Variants in SLC60A1 observed in about 807,000 individuals in gnomAD.
SLC60A1 encodes major facilitator superfamily domain containing 4.
the SLC60A1 span, chr1:205,584,088 C>T: frequency 6.2e-7 from 1 of 1,614,038 alleles, no homozygotes; most frequent in African/African-American, 1.3e-5. Flanking sequence ...AAGGAAGATG[C>T]CTCCTCACTG....
At chr1:205,587,443 A>G in the SLC60A1 span, among the ~76,000 whole-genome samples, 3 of 152,302 alleles carry the variant, frequency 2.0e-5, no homozygotes, top group Non-Finnish European at 4.4e-5. Context: ...CCCAAGAAAG[A>G]AATTTCAGTT....
At chr1:205,579,031 C>G in the SLC60A1 span, among the ~76,000 whole-genome samples, 1 of 152,214 alleles carries the variant, frequency 6.6e-6, no homozygotes, top group Admixed American at 6.5e-5. Flanking sequence ...AGGCCCTCCC[C>G]CTGCCTGCTG....
At chr1:205,595,411 A>G in the SLC60A1 span, among the ~76,000 whole-genome samples, 42 of 152,180 alleles carry the variant, frequency 2.8e-4, no homozygotes, top group African/African-American at 1.0e-3. Flanking sequence ...GTCCCTCTCC[A>G]GGAAGCTCCT....
At chr1:205,599,095 T>G in the SLC60A1 span, 1 of 1,611,706 alleles carries the variant, frequency 6.2e-7, no homozygotes, top group African/African-American at 1.3e-5. Flanking sequence ...CGTGAAGTTT[T>G]AATTGTCTGT....
chr1:205,580,016 A>T, the SLC60A1 span: 1 of 1,501,866 alleles, frequency 6.7e-7, no homozygotes, highest in South Asian at 1.3e-5. The surrounding 1 kb of genome is among the most constrained non-coding windows in gnomAD (Gnocchi z 5.0). Flanking sequence ...AGGCCCCCTC[A>T]GTCTCTCCCA....
chr1:205,584,290 C>T, the SLC60A1 span, among the ~76,000 whole-genome samples: 2 of 148,474 alleles, frequency 1.3e-5, no homozygotes, highest in Non-Finnish European at 3.0e-5. Context: ...GGTGCAATCT[C>T]GGCTCATTGC....
the SLC60A1 span, among the ~76,000 whole-genome samples, chr1:205,596,873 A>G: frequency 1.3e-4 from 20 of 152,174 alleles, no homozygotes; most frequent in African/African-American, 4.8e-4. Context: ...CCCACACGGT[A>G]AGTCTGTGAA....
chr1:205,572,053 C>T, the SLC60A1 span, among the ~76,000 whole-genome samples: 15 of 152,084 alleles, frequency 9.9e-5, no homozygotes, highest in Admixed American at 8.5e-4. Flanking sequence ...TAGGGATGTG[C>T]TTTGGGAGGA....
the SLC60A1 span, chr1:205,583,898 G>A: frequency 6.3e-7 from 1 of 1,576,608 alleles, no homozygotes; most frequent in Non-Finnish European, 8.6e-7. Flanking sequence ...CAGAGGCCAG[G>A]CGTGGGAAGG....
At chr1:205,577,071 GGAGACAAACAGCAGTGAACAGGACA>G in the SLC60A1 span, among the ~76,000 whole-genome samples, 509 of 152,230 alleles carry the variant, frequency 3.3e-3, 4 homozygotes, top group Admixed American at 0.012. This position sits in a 1 kb window ranked among gnomAD's most constrained non-coding sequence, Gnocchi z 5.2. Flanking sequence ...ACAGGTGAAA[GGAGACAAACAGCAGTGAACAGGACA>G]GAGATGAGAC....
chr1:205,597,603 C>T, the SLC60A1 span: 1 of 577,452 alleles, frequency 1.7e-6, no homozygotes, highest in African/African-American at 1.9e-5. Context: ...GTGATATTGC[C>T]CAGACTGGTC....
chr1:205,593,416 A>AGCCGAGATCCCGCCACT, the SLC60A1 span, among the ~76,000 whole-genome samples: 1 of 74,724 alleles, frequency 1.3e-5, no homozygotes, highest in East Asian at 4.0e-4. Flanking sequence ...GCTTGCAGTG[A>AGCCGAGATCCCGCCACT]GCACTCCAGC....
the SLC60A1 span, chr1:205,584,218 A>ATTTTTT: frequency 2.0e-5 from 16 of 794,020 alleles, no homozygotes; most frequent in South Asian, 6.6e-5. Flanking sequence ...ATCACAGGTG[A>ATTTTTT]TTTTTTTTTT....
At chr1:205,597,890 A>G in the SLC60A1 span, 1 of 1,591,376 alleles carries the variant, frequency 6.3e-7, no homozygotes, top group Non-Finnish European at 8.6e-7. Flanking sequence ...GCATTTGGGG[A>G]GCACTCCTCT....
At chr1:205,575,460 T>G in the SLC60A1 span, among the ~76,000 whole-genome samples, 1 of 152,144 alleles carries the variant, frequency 6.6e-6, no homozygotes, top group Non-Finnish European at 1.5e-5. Context: ...CAGGCAGGAA[T>G]GGGCTGCCTG....
At chr1:205,597,704 C>T in the SLC60A1 span, 2 of 1,532,222 alleles carry the variant, frequency 1.3e-6, no homozygotes, top group South Asian at 2.3e-5. Flanking sequence ...TGTGCCTGGC[C>T]AGCAACCTGG....
chr1:205,580,638 C>CCCCCCCCCTCCCCT, the SLC60A1 span: 5 of 1,585,748 alleles, frequency 3.2e-6, no homozygotes, highest in South Asian at 2.2e-5. The surrounding 1 kb of genome is among the most constrained non-coding windows in gnomAD (Gnocchi z 5.0). Context: ...CACCCCCACC[C>CCCCCCCCCTCCCCT]GCCACCTCTC....
At chr1:205,588,526 A>AGATTCT in the SLC60A1 span, among the ~76,000 whole-genome samples, 1 of 150,044 alleles carries the variant, frequency 6.7e-6, no homozygotes, top group South Asian at 2.1e-4. Flanking sequence ...CCTACCCCAG[A>AGATTCT]GATTCTAATT....
At chr1:205,599,310 G>T in the SLC60A1 span, 379,380 of 1,597,918 alleles carry the variant, frequency 0.24, 51,606 homozygotes, top group East Asian at 0.59. Flanking sequence ...GTCGGGGAGC[G>T]GGGGAGCAGG....
Sources: allele counts gnomAD v4.1 joint callset (sites outside exome capture counted in the v4.1 genomes callset), GRCh38; gene constraint gnomAD v4.1.1; non-coding constraint Gnocchi (gnomAD v3.1); transcripts MANE v1.5; gene names NCBI Gene and HGNC (gene_info 2026-07-23, HGNC 2026-07-21).